TMEM132C: variants seen among roughly 807,000 people sequenced by gnomAD.
TMEM132C encodes the protein transmembrane protein 132C.
TMEM132C carries 29 observed loss-of-function variants against 61.4 expected under a neutral mutation model. The observed-to-expected ratio is 0.47, with a 90% CI of 0.35 to 0.64. The LOEUF is 0.64. Among genes scored for constraint, TMEM132C ranks in the 30% least tolerant of loss-of-function variants. The pLI, the probability that TMEM132C is intolerant of heterozygous loss-of-function variation, is 0.00. For synonymous variants in TMEM132C, 656 were observed against 633.1 expected, an observed-to-expected ratio of 1.04 and a Z score of -0.54; for missense variants, 1,408 against 1,476.9, an observed-to-expected ratio of 0.95 and a Z score of 0.76.
intron 4 of TMEM132C, among the ~76,000 whole-genome samples, chr12:128,626,405 A>G (rs1954017073): frequency 7.4e-6 from 1 of 135,438 alleles, no homozygotes; most frequent in Admixed American, 7.1e-5. Context: ...GTGGGATTAT[A>G]TGCATGAGCC....
rs762382247 is a variant in TMEM132C at position 128,695,944 on chromosome 12, C to T, written c.1770C>T (p.Ala590=). 27 of 1,551,656 alleles carry T rather than the reference C, an allele frequency of 1.7e-5. No individual in the cohort carries two copies. The highest frequency in any genetic ancestry group is 1.1e-4 in the African/African-American group (8 of 73,062). Residue 590 remains alanine (A), a synonymous_variant, in exon 7 of 9, where the codon GCC becomes GCT. Coordinates refer to ENST00000435159, the MANE Select transcript of TMEM132C (RefSeq NM_001136103.3). ...RVLTQFVSEG[A]GPWGQPNYLL... is the part of the protein sequence containing the mutation. ...TCACCCAGTTTGTGTCTGAGGGCGC[C>T]GGTCCATGGGGCCAGCCGAACTACC...
chr12:128,705,615 G>A lies in TMEM132C; in HGVS notation c.2647G>A (p.Gly883Arg). Residue 883 changes from glycine to arginine, a missense_variant, in exon 9 of 9, where the codon GGG (glycine) becomes AGG (arginine). By Grantham distance (125) the Gly-to-Arg change is moderately radical. Transcript: ENST00000435159. ...RADGGRLAGEGQLQNIPIDFT... is the reference protein window; with the variant it reads ...RADGGRLAGERQLQNIPIDFT... ...AGACGGGGGCAGGCTGGCAGGAGAG[G>A]GGCAGCTGCAGAACATCCCCATTGA... 1.3e-6 allele frequency: 2 copies of A among 1,550,970 alleles called. No individual in the cohort carries two copies. The highest frequency in any genetic ancestry group is 1.4e-5 in the African/African-American group (1 of 73,168).
chr12:128,334,469 T>G (rs116077856), intron 1 of TMEM132C, among the ~76,000 whole-genome samples: 2,099 of 152,308 alleles, frequency 0.014, 46 homozygotes, highest in African/African-American at 0.048. Flanking sequence ...TCAACCCTCT[T>G]TAGAAGACGT....
At chr12:128,545,504 G>C (rs1764887506) in intron 3 of TMEM132C, among the ~76,000 whole-genome samples, 1 of 152,198 alleles carries the variant, frequency 6.6e-6, no homozygotes, top group Non-Finnish European at 1.5e-5. Context: ...GGGTTGGATG[G>C]TAGTTCTGAG....
intron 3 of TMEM132C, among the ~76,000 whole-genome samples, chr12:128,607,381 G>C (rs999275372): frequency 6.6e-5 from 10 of 152,176 alleles, no homozygotes; most frequent in African/African-American, 2.4e-4. Flanking sequence ...GGAAGCCCTT[G>C]GAGGTTTAGG....
chr12:128,274,321 G>A (rs1407901309), intron 1 of TMEM132C, among the ~76,000 whole-genome samples: 5 of 141,632 alleles, frequency 3.5e-5, no homozygotes, highest in Non-Finnish European at 6.3e-5. Context: ...TCTTTTCTAT[G>A]TATAACATTT....
intron 2 of TMEM132C, among the ~76,000 whole-genome samples, chr12:128,418,989 G>C (rs1351452621): frequency 6.6e-6 from 1 of 152,078 alleles, no homozygotes; most frequent in Admixed American, 6.5e-5. Flanking sequence ...GTGTGTTTCT[G>C]TATCATCAAT....
At chr12:128,295,102 A>G (rs964600959) in intron 1 of TMEM132C, among the ~76,000 whole-genome samples, 1 of 152,046 alleles carries the variant, frequency 6.6e-6, no homozygotes, top group Non-Finnish European at 1.5e-5. Flanking sequence ...CCTGTTTTGT[A>G]TACAAATAGA....
chr12:128,552,895 G>A lies in TMEM132C; in HGVS notation c.1121+8792G>A, dbSNP rs150491496. ...TACACTCTAGCTTGGGCAACAGAGT[G>A]AGACTCTGTCTCAAAAACAAACAAA... is the stretch of plus-strand genomic sequence containing the variant. On this transcript the variant is annotated intron_variant, in intron 3 of 8. Transcript: ENST00000435159. Among the ~76,000 whole-genome samples, 429 of 152,212 alleles carry A rather than the reference G, an allele frequency of 2.8e-3. 8 individuals are homozygous for A. Among genetic ancestry groups the A allele is most frequent in the Admixed American group, 0.025 (376 of 15,288 alleles).
intron 2 of TMEM132C, among the ~76,000 whole-genome samples, chr12:128,446,644 T>G (rs1869990765): frequency 1.3e-5 from 2 of 152,310 alleles, no homozygotes; most frequent in South Asian, 4.1e-4. Context: ...TTTGCAGACC[T>G]CTAAATTCTG....
At chr12:128,532,276 A>G (rs1381102643) in intron 2 of TMEM132C, among the ~76,000 whole-genome samples, 1 of 152,068 alleles carries the variant, frequency 6.6e-6, no homozygotes, top group African/African-American at 2.4e-5. Flanking sequence ...ATGTATGACT[A>G]TGTATGCATA....
chr12:128,684,692 GC>G (rs1184928594), intron 5 of TMEM132C, among the ~76,000 whole-genome samples: 1 of 152,330 alleles, frequency 6.6e-6, no homozygotes, highest in East Asian at 1.9e-4. Flanking sequence ...ATTCTCTTTG[GC>G]CATCGTTTCA....
intron 2 of TMEM132C, among the ~76,000 whole-genome samples, chr12:128,541,119 C>T (rs546360745): frequency 5.3e-5 from 8 of 152,078 alleles, no homozygotes; most frequent in South Asian, 2.1e-4. Context: ...TTTCCTAGAG[C>T]GGCTCACAGA....
intron 2 of TMEM132C, among the ~76,000 whole-genome samples, chr12:128,502,738 A>G (rs1289497971): frequency 2.0e-5 from 3 of 152,220 alleles, no homozygotes; most frequent in Non-Finnish European, 4.4e-5. Flanking sequence ...TGTGTCAGGA[A>G]TAACCTTGCC....
intron 1 of TMEM132C, among the ~76,000 whole-genome samples, chr12:128,398,515 G>A (rs533959116): frequency 3.7e-4 from 57 of 152,284 alleles, no homozygotes; most frequent in African/African-American, 1.2e-3. Context: ...CACGTTGCCC[G>A]TCTGATGTGA....
intron 2 of TMEM132C, among the ~76,000 whole-genome samples, chr12:128,468,236 G>C (rs1358781832): frequency 2.6e-5 from 4 of 152,182 alleles, no homozygotes; most frequent in African/African-American, 9.6e-5. Context: ...TGAAGTCCTA[G>C]TGAGGGGTGT....
At chr12:128,692,533 G>C in intron 5 of TMEM132C, among the ~76,000 whole-genome samples, 1 of 152,146 alleles carries the variant, frequency 6.6e-6, no homozygotes, top group East Asian at 1.9e-4. Context: ...AATTCATCGG[G>C]GTGGCAGAAA....
At chr12:128,685,266 A>G (rs1225200114) in intron 5 of TMEM132C, among the ~76,000 whole-genome samples, 4 of 152,226 alleles carry the variant, frequency 2.6e-5, no homozygotes, top group Non-Finnish European at 4.4e-5. Context: ...TCCACATCCC[A>G]TCTCTTAGCA....
chr12:128,689,735 T>C (rs550003621), intron 5 of TMEM132C, among the ~76,000 whole-genome samples: 1 of 152,190 alleles, frequency 6.6e-6, no homozygotes, highest in Non-Finnish European at 1.5e-5. Context: ...ATTACCATCA[T>C]GAGCGGGATG....
Sources: allele counts gnomAD v4.1 joint callset (sites outside exome capture counted in the v4.1 genomes callset), GRCh38; gene constraint gnomAD v4.1.1; transcripts MANE v1.5; gene names NCBI Gene and HGNC (gene_info 2026-07-23, HGNC 2026-07-21).